The following DLG2 variants were observed in gnomAD, a reference collection of about 807,000 sequenced individuals.
The protein encoded by DLG2 is disks large homolog 2.
Under a neutral mutation model 132.5 loss-of-function variants are expected in DLG2, and 45 were observed. That is an observed-to-expected ratio of 0.34 (90% CI 0.27 to 0.44). The LOEUF (loss-of-function observed/expected upper bound fraction) is 0.44, where lower values mean the gene tolerates loss of function less well. DLG2 is among the 20% of genes least tolerant of loss of function. The pLI is 1.00. For synonymous variants in DLG2, 424 were observed against 419.6 expected (o/e 1.01, Z -0.13); for missense variants, 1,045 against 1,196.9 (o/e 0.87, Z 1.87).
chr11:84,794,875 G>A (rs1014621122), intron 6 of DLG2, among the ~76,000 whole-genome samples: 7 of 152,224 alleles, frequency 4.6e-5, no homozygotes, highest in African/African-American at 1.4e-4. Context: ...AGGGCAGCTC[G>A]GCAAGAGCCT....
chr11:84,452,986 T>A (rs2099055770), intron 7 of DLG2, among the ~76,000 whole-genome samples: 1 of 151,540 alleles, frequency 6.6e-6, no homozygotes, highest in Non-Finnish European at 1.5e-5. Flanking sequence ...TTATAGGTAT[T>A]CCAATCACCC....
At chr11:85,605,001 T>C (rs1453697442) in intron 2 of DLG2, among the ~76,000 whole-genome samples, 1 of 152,170 alleles carries the variant, frequency 6.6e-6, no homozygotes, top group Non-Finnish European at 1.5e-5. Flanking sequence ...AGTGGTATCA[T>C]TAGGAAAACT....
Position 85,418,582 on chromosome 11 carries a change from T to C in DLG2, c.41-133217A>G, listed in dbSNP as rs1185026385. Among the ~76,000 whole-genome samples the C allele has an allele frequency of 2.0e-5, 3 of 152,344 alleles. No homozygotes were observed. The East Asian group carries it at 5.8e-4, about 29-fold the overall frequency. On this transcript the variant is annotated intron_variant, in intron 3 of 27. Transcript: ENST00000376104. The stretch of plus-strand genomic sequence containing the variant: ...CTATTACTGTGTGGGAGTCTATGTC[T>C]CTTTGTAAGTCTCTAAGAACTTGAT...
At chr11:83,696,722 T>A (rs1334505356) in intron 18 of DLG2, among the ~76,000 whole-genome samples, 1 of 152,070 alleles carries the variant, frequency 6.6e-6, no homozygotes, top group East Asian at 1.9e-4. Context: ...TAAACAAATA[T>A]TGAGTAAATG....
At chr11:85,155,086 A>G (rs1047324992) in intron 4 of DLG2, among the ~76,000 whole-genome samples, 4 of 152,216 alleles carry the variant, frequency 2.6e-5, no homozygotes, top group African/African-American at 7.2e-5. Flanking sequence ...CTGTCTTTTT[A>G]TAACTACAGC....
At chr11:85,243,923 A>C (rs939285516) in intron 4 of DLG2, among the ~76,000 whole-genome samples, 4 of 151,988 alleles carry the variant, frequency 2.6e-5, no homozygotes, top group Admixed American at 6.6e-5. Flanking sequence ...CAATTTCCTA[A>C]CCATTTTAGT....
chr11:83,729,085 G>T (rs1441282517), intron 18 of DLG2, among the ~76,000 whole-genome samples: 1 of 152,106 alleles, frequency 6.6e-6, no homozygotes, highest in Non-Finnish European at 1.5e-5. Flanking sequence ...TGCTAGGTAA[G>T]AAAAAGTCCC....
intron 22 of DLG2, chr11:83,483,371 G>C (rs919184544): frequency 8.8e-7 from 1 of 1,134,632 alleles, no homozygotes; most frequent in African/African-American, 1.5e-5. Context: ...GAAGTCAGTG[G>C]AGTTGAAATG....
intron 5 of DLG2, among the ~76,000 whole-genome samples, chr11:85,118,846 T>G (rs775169498): frequency 6.6e-6 from 1 of 151,938 alleles, no homozygotes; most frequent in Non-Finnish European, 1.5e-5. Context: ...GTGGAAAAAA[T>G]AAAACCTAGC....
chr11:84,426,915 T>C (rs2098968498), intron 7 of DLG2, among the ~76,000 whole-genome samples: 1 of 152,082 alleles, frequency 6.6e-6, no homozygotes. Flanking sequence ...GGACAATATT[T>C]TATAAGGAGG....
intron 6 of DLG2, among the ~76,000 whole-genome samples, chr11:84,645,281 C>G (rs2099673292): frequency 2.0e-5 from 3 of 152,014 alleles, no homozygotes; most frequent in African/African-American, 7.3e-5. Flanking sequence ...GGTACCTTTT[C>G]TAAGGGTTAA....
At chr11:84,514,777 C>T (rs924712932) in intron 7 of DLG2, among the ~76,000 whole-genome samples, 6 of 151,782 alleles carry the variant, frequency 4.0e-5, no homozygotes, top group South Asian at 2.1e-4. Flanking sequence ...CTAGAATTAA[C>T]GATCATTTAA....
chr11:83,480,460 G>A, intron 22 of DLG2: 1 of 1,522,204 alleles, frequency 6.6e-7, no homozygotes, highest in Non-Finnish European at 8.8e-7. Context: ...GCATTGAAGA[G>A]CAGCCAGAAC....
At chr11:83,847,985 G>A (rs557501969) in intron 16 of DLG2, among the ~76,000 whole-genome samples, 1 of 152,284 alleles carries the variant, frequency 6.6e-6, no homozygotes, top group South Asian at 2.1e-4. Flanking sequence ...AGCACTTGAA[G>A]TGTGGTTGGT....
At chr11:85,104,177 G>C (rs2071323040) in intron 6 of DLG2, among the ~76,000 whole-genome samples, 1 of 151,848 alleles carries the variant, frequency 6.6e-6, no homozygotes, top group African/African-American at 2.4e-5. Context: ...TAAACATAGA[G>C]TTAGCATATG....
chr11:85,101,615 A>C (rs2070857221), intron 6 of DLG2, among the ~76,000 whole-genome samples: 1 of 152,104 alleles, frequency 6.6e-6, no homozygotes, highest in Admixed American at 6.6e-5. Flanking sequence ...TGGAAAAACT[A>C]TGATTCCATC....
intron 6 of DLG2, among the ~76,000 whole-genome samples, chr11:84,807,432 G>T (rs1297221343): frequency 6.6e-6 from 1 of 152,004 alleles, no homozygotes; most frequent in Non-Finnish European, 1.5e-5. Context: ...GGCGACAAGA[G>T]TGAAACTCCA....
chr11:85,307,668 C>G lies in DLG2; in HGVS notation c.41-22303G>C, dbSNP rs2152803635. The stretch of plus-strand genomic sequence containing the variant: ...CAATGGGAAAGAGATGTTTCCTGGT[C>G]CTGCCACAGTACTGATCCACTTTCA... On this transcript the variant is annotated intron_variant, in intron 3 of 27. Coordinates refer to ENST00000376104, the MANE Select transcript of DLG2 (RefSeq NM_001142699.3). 2.0e-5 allele frequency among the ~76,000 whole-genome samples: 3 copies of G among 152,304 alleles called. No individual in the cohort carries two copies. The South Asian group carries it at 6.2e-4, about 32-fold the overall frequency.
At chr11:85,143,704 T>C (rs188590678) in intron 5 of DLG2, among the ~76,000 whole-genome samples, 126 of 151,978 alleles carry the variant, frequency 8.3e-4, no homozygotes, top group African/African-American at 2.9e-3. Context: ...CTCAGGAGCA[T>C]ATTGTTTAAT....
Sources: gnomAD v4.1 joint callset for allele counts (sites outside exome capture counted in the v4.1 genomes callset) on GRCh38, gnomAD v4.1.1 for gene constraint, MANE v1.5 for transcripts, NCBI Gene and HGNC (gene_info 2026-07-23, HGNC 2026-07-21) for gene names.